ACLY: variants seen among roughly 807,000 people sequenced by gnomAD.
ACLY encodes ATP citrate lyase, also known as ATP-citrate synthase.
In ACLY, 41 loss-of-function variants were observed where a neutral mutation model predicts 133.0. The ratio of observed to expected loss-of-function variants is 0.31; its 90% CI spans 0.24 to 0.40. The LOEUF (loss-of-function observed/expected upper bound fraction) is 0.40. Ranked by LOEUF, ACLY falls within the 10% of genes least tolerant of loss-of-function variation. The pLI, the probability that ACLY is intolerant of heterozygous loss-of-function variation, is 1.00. For synonymous variants in ACLY, 495 were observed against 549.3 expected (o/e 0.90, Z 1.38); for missense variants, 1,046 against 1,453.8 (o/e 0.72, Z 4.56).
At chr17:41,877,019 T>G (rs1443410629) in intron 22 of ACLY, among the ~76,000 whole-genome samples, 1 of 152,210 alleles carries the variant, frequency 6.6e-6, no homozygotes, top group Non-Finnish European at 1.5e-5. Flanking sequence ...TTTCCAGAGT[T>G]GAGGCAAATC....
At chr17:41,873,686 A>G (rs887937774) in intron 23 of ACLY, 125 bp downstream of exon 23, 129 of 1,156,858 alleles carry the variant, frequency 1.1e-4, no homozygotes, top group Non-Finnish European at 1.4e-4. Flanking sequence ...CGCTCAATTG[A>G]CCTGTGGCCC....
intron 5 of ACLY, 137 bp from the exon 6 acceptor site, chr17:41,909,205 C>T: frequency 1.4e-6 from 1 of 725,628 alleles, no homozygotes; most frequent in Non-Finnish European, 2.4e-6. Flanking sequence ...CTTCCATCTC[C>T]TCTGCAACCC....
intron 13 of ACLY, 32 bp downstream of exon 13, chr17:41,897,717 C>T (rs1555630660): frequency 6.2e-7 from 1 of 1,600,326 alleles, no homozygotes; most frequent in Non-Finnish European, 8.5e-7. Flanking sequence ...AAGGCCACTC[C>T]CTGCAACATG....
chr17:41,886,258 C>T lies in ACLY; in HGVS notation c.1926G>A (p.Met642Ile). ...GCFKIGNTGG[M>I]LDNILASKLY... ...GTTTGGAGGCCAGGATGTTGTCCAG[C>T]ATCCCACCTGTGTTGCCAATCTTAA... The change falls in exon 18 of 29, where the codon ATG becomes ATA. Residue 642 changes from methionine (M) to isoleucine (I), a missense_variant. Around this residue, in one of 4 missense-constraint regions of ACLY, gnomAD observed 575 missense variants for 804.2 expected, o/e 0.71. Transcript: ENST00000352035. 6.2e-7 allele frequency: 1 copy of T among 1,614,062 alleles called. No homozygotes were observed. Among genetic ancestry groups the T allele is most frequent in the Non-Finnish European group, 8.5e-7 (1 of 1,179,922 alleles).
intron 25 of ACLY, chr17:41,870,391 A>G (rs538471381): frequency 6.6e-6 from 1 of 152,272 alleles, no homozygotes; most frequent in African/African-American, 2.4e-5. Context: ...CTTGCTCATC[A>G]AGCAACCTCT....
intron 11 of ACLY, 115 bp downstream of exon 11, chr17:41,901,581 A>T: frequency 1.2e-6 from 1 of 849,056 alleles, no homozygotes; most frequent in Non-Finnish European, 1.9e-6. Context: ...CTGCACACCC[A>T]GGAAGGGGAG....
chr17:41,890,913 C>T (rs572860092), intron 16 of ACLY, among the ~76,000 whole-genome samples: 40 of 147,750 alleles, frequency 2.7e-4, no homozygotes, highest in Middle Eastern at 3.5e-3. Context: ...GGCTGAGGCA[C>T]GAGAATCACT....
At chr17:41,918,534 CGAGGAGCCT>C (rs2050117798) in intron 1 of ACLY, among the ~76,000 whole-genome samples, 1 of 152,210 alleles carries the variant, frequency 6.6e-6, no homozygotes, top group Non-Finnish European at 1.5e-5. Context: ...CCGATGAGCC[CGAGGAGCCT>C]CGATAGCTGT....
chr17:41,922,129 A>G (rs1362566986), upstream of ACLY, among the ~76,000 whole-genome samples: 1 of 152,226 alleles, frequency 6.6e-6, no homozygotes, highest in Non-Finnish European at 1.5e-5. Flanking sequence ...CTATAATCCC[A>G]ACACTTGGGG....
Position 41,906,535 on chromosome 17 carries a change from C to G in ACLY, c.859G>C (p.Val287Leu). The G allele has an allele frequency of 6.2e-7, 1 of 1,614,038 alleles. No homozygotes were observed. Among genetic ancestry groups the G allele is most frequent in the South Asian group, 1.1e-5 (1 of 91,078 alleles). ...TMVAGGGASV[V>L]YSDTICDLGG... ...GCAACCCCCTTCGGTCACCTGTACA[C>G]GACAGAGGCGCCACCCCCGGCCACC... The change falls in exon 8 of 29, where the codon GTG becomes CTG. Residue 287 changes from valine to leucine, a missense_variant. Coordinates refer to ENST00000352035, the MANE Select transcript of ACLY (RefSeq NM_001096.3).
In ACLY at chr17:41,869,564, C is replaced by T; in HGVS notation, c.2961G>A (p.Val987=). ...GCCTGACGTAATCTTTGAGGATCTG[C>T]ACTCGCATGTCTGGGTTGTTTATCT... is the stretch of plus-strand genomic sequence containing the variant. ...VKSINNPDMR[V]QILKDYVRQH... is the part of the protein sequence containing the mutation. Residue 987 remains valine, a synonymous_variant, in exon 26 of 29, where the codon GTG becomes GTA. Transcript: ENST00000352035. 1 of 1,614,108 alleles carries T rather than the reference C, an allele frequency of 6.2e-7. No homozygotes were observed. Among genetic ancestry groups the T allele is most frequent in the Non-Finnish European group, 8.5e-7 (1 of 1,180,000 alleles).
In ACLY at chr17:41,909,058, T is replaced by C; in HGVS notation, c.547A>G (p.Ser183Gly). The change falls in exon 6 of 29, where the codon AGT becomes GGT. Residue 183 changes from serine to glycine, a missense_variant. Coordinates refer to ENST00000352035, the MANE Select transcript of ACLY (RefSeq NM_001096.3). ...AAATTGAAGAGGCCGGAGATAAAAC[T>C]GGCCAGAATTCTAGAGGTGGGAGGG... ...APEDKKEILA[S>G]FISGLFNFYE... The C allele has an allele frequency of 6.2e-7, 1 of 1,612,016 alleles. No homozygotes were observed. Among genetic ancestry groups the C allele is most frequent in the South Asian group, 1.1e-5 (1 of 90,618 alleles).
At chr17:41,909,133 G>A (rs868971560) in intron 5 of ACLY, 65 bp from the exon 6 acceptor site, 41 of 1,285,028 alleles carry the variant, frequency 3.2e-5, no homozygotes, top group Middle Eastern at 5.1e-4. Context: ...CACCCCAGGC[G>A]CCCCGCAGCA....
At chr17:41,892,196 C>T in intron 16 of ACLY, 83 bp downstream of exon 16, 1 of 1,349,052 alleles carries the variant, frequency 7.4e-7, no homozygotes, top group South Asian at 1.5e-5. Context: ...TGCTTCCCCA[C>T]CCTCTGTCCC....
chr17:41,904,920 G>A lies in ACLY; in HGVS notation c.1004-130C>T. The A allele has an allele frequency of 2.2e-5, 18 of 819,128 alleles. No individual in the cohort carries two copies. The South Asian group carries it at 2.8e-4, about 13-fold the overall frequency. The allele number at this position is 819,128 out of a possible 1,614,324, so 50.7% of individuals were successfully genotyped here. A position where few individuals can be genotyped will look rare whatever the true frequency, so the allele number is the denominator to read the frequency against. On this transcript the variant is annotated intron_variant, in intron 9 of 28. Coordinates refer to ENST00000352035, the MANE Select transcript of ACLY (RefSeq NM_001096.3). ...CCCATCTGCCAGGAGGTACTGGGGAGTGAGTAGGACAGTCTCTCCAGACAT... is the reference window on the plus strand; with the variant it reads ...CCCATCTGCCAGGAGGTACTGGGGAATGAGTAGGACAGTCTCTCCAGACAT...
In ACLY at chr17:41,901,833, T is replaced by G. The variant is rs1349751773; in HGVS notation, c.1066-20A>C. ...GATGCCCTGGAAGCCCAAAGTGACATGTGACTAAAAACAAGGCAGCCACAA... is the reference window on the plus strand; with the variant it reads ...GATGCCCTGGAAGCCCAAAGTGACAGGTGACTAAAAACAAGGCAGCCACAA... On this transcript the variant is annotated intron_variant, in intron 10 of 28. Coordinates refer to ENST00000352035, the MANE Select transcript of ACLY (RefSeq NM_001096.3). 6.5e-7 allele frequency: 1 copy of G among 1,535,526 alleles called. No homozygotes were observed. Among genetic ancestry groups the G allele is most frequent in the Non-Finnish European group, 8.8e-7 (1 of 1,133,354 alleles).
At chr17:41,901,200 T>A (rs2049529588) in intron 11 of ACLY, among the ~76,000 whole-genome samples, 1 of 151,642 alleles carries the variant, frequency 6.6e-6, no homozygotes, top group Non-Finnish European at 1.5e-5. Context: ...GCTCAAGGGA[T>A]CCTCCCACTT....
chr17:41,918,131 C>T (rs1435286678), intron 1 of ACLY, among the ~76,000 whole-genome samples: 2 of 152,216 alleles, frequency 1.3e-5, no homozygotes, highest in African/African-American at 4.8e-5. Flanking sequence ...AGGAGGGCGG[C>T]GGCAGCATCC....
At chr17:41,874,922 C>CAAAAAA (rs76281431) in intron 22 of ACLY, among the ~76,000 whole-genome samples, 1 of 128,186 alleles carries the variant, frequency 7.8e-6, no homozygotes, top group South Asian at 2.5e-4. Context: ...TGTGTTATAG[C>CAAAAAA]AAAAAAAAAA....
Sources: allele counts gnomAD v4.1 joint callset (sites outside exome capture counted in the v4.1 genomes callset), GRCh38; gene constraint gnomAD v4.1.1; regional missense constraint gnomAD v4.1.1; transcripts MANE v1.5; gene names NCBI Gene and HGNC (gene_info 2026-07-23, HGNC 2026-07-21).